The following ADARB2 variants were observed in gnomAD, a reference collection of about 807,000 sequenced individuals.
The protein encoded by ADARB2 is adenosine deaminase RNA specific B2 (inactive).
A neutral mutation model predicts 62.2 loss-of-function variants in ADARB2; 25 were observed. The observed-to-expected ratio is 0.40, with a 90% confidence interval of 0.29 to 0.56. The LOEUF is 0.56. ADARB2 is among the 20% of genes least tolerant of loss of function. ADARB2 has a pLI of 0.43. For synonymous variants in ADARB2, 572 were observed against 500.8 expected, an observed-to-expected ratio of 1.14 and a Z score of -1.90; for missense variants, 1,071 against 1,077.4, an observed-to-expected ratio of 0.99 and a Z score of 0.08.
chr10:1,263,187 T>C (rs1438185607), intron 4 of ADARB2, among the ~76,000 whole-genome samples: 2 of 150,952 alleles, frequency 1.3e-5, no homozygotes, highest in South Asian at 2.1e-4. Flanking sequence ...TGCTAAATGA[T>C]GAGTTACTGG....
intron 1 of ADARB2, among the ~76,000 whole-genome samples, chr10:1,388,379 A>C (rs1054093106): frequency 5.3e-5 from 8 of 152,166 alleles, no homozygotes; most frequent in Non-Finnish European, 8.8e-5. Flanking sequence ...GGTCTTAGTT[A>C]GTGTCATAAG....
chr10:1,562,677 G>T lies in ADARB2; in HGVS notation c.100+174374C>A, dbSNP rs80338560. Among the ~76,000 whole-genome samples, 194 of 152,362 alleles carry T rather than the reference G, an allele frequency of 1.3e-3. 5 individuals carry two copies. In the East Asian group the frequency reaches 0.034, roughly 26 times the overall value. Reference sequence around the variant, plus strand: ...AATACTTCCTGGAGGCTGGCCCTCGGCATTGGGCTAGACCTGAATTCAAAT... The same window carrying T: ...AATACTTCCTGGAGGCTGGCCCTCGTCATTGGGCTAGACCTGAATTCAAAT... On this transcript the variant is annotated intron_variant, in intron 1 of 9. Coordinates refer to ENST00000381312, the MANE Select transcript of ADARB2 (RefSeq NM_018702.4).
chr10:1,288,651 C>T (rs1831435940), intron 3 of ADARB2, among the ~76,000 whole-genome samples: 1 of 152,194 alleles, frequency 6.6e-6, no homozygotes, highest in Non-Finnish European at 1.5e-5. Flanking sequence ...GATGAGCCTG[C>T]AGGTAGGAGG....
intron 4 of ADARB2, among the ~76,000 whole-genome samples, chr10:1,261,859 A>G (rs1204017160): frequency 1.3e-5 from 2 of 149,864 alleles, no homozygotes; most frequent in East Asian, 3.9e-4. Flanking sequence ...TTATTGTGGC[A>G]TTATTCACAA....
Position 1,737,318 on chromosome 10 carries a change from G to C in ADARB2, c.-168C>G. On this transcript the variant is annotated 5_prime_UTR_variant, in exon 1 of 10. Transcript: ENST00000381312. ...AGCGCGCTCCGTCTCTCTGTCTCTC[G>C]AATTGTTCTCTATGACTTGCTCCCA... 1.5e-6 allele frequency: 1 copy of C among 649,998 alleles called. No individual in the cohort carries two copies. The highest frequency in any genetic ancestry group is 2.6e-6 in the Non-Finnish European group (1 of 379,998). The allele number at this position is 649,998 out of a possible 1,614,324, so 40.3% of individuals were successfully genotyped here. A position where few individuals can be genotyped will look rare whatever the true frequency, so the allele number is the denominator to read the frequency against.
At chr10:1,212,991 G>A (rs1837177356) in intron 7 of ADARB2, among the ~76,000 whole-genome samples, 2 of 152,224 alleles carry the variant, frequency 1.3e-5, no homozygotes, top group African/African-American at 2.4e-5. Context: ...AGAGAACAGC[G>A]TGGCAGCACT....
intron 1 of ADARB2, among the ~76,000 whole-genome samples, chr10:1,591,884 A>G (rs1015074145): frequency 6.6e-6 from 1 of 152,240 alleles, no homozygotes; most frequent in African/African-American, 2.4e-5. Context: ...TTATAATGAA[A>G]GAAAATCTTC....
chr10:1,197,122 A>G (rs1836921864), intron 8 of ADARB2, among the ~76,000 whole-genome samples: 1 of 152,224 alleles, frequency 6.6e-6, no homozygotes. Context: ...AATATTGCAA[A>G]TCACTTACCA....
In ADARB2 at chr10:1,202,549, C is replaced by A. The variant is rs184232952; in HGVS notation, c.1683-2402G>T. ...CTTGACTCTGAGACCAGAGGACAGACCAAAGGCTGGGAGGAAATTCAGCAG... is the reference window on the plus strand; with the variant it reads ...CTTGACTCTGAGACCAGAGGACAGAACAAAGGCTGGGAGGAAATTCAGCAG... On this transcript the variant is annotated intron_variant, in intron 7 of 9. Transcript: ENST00000381312. Among the ~76,000 whole-genome samples the A allele has an allele frequency of 1.1e-3, 165 of 152,236 alleles. 1 individual carries two copies. Among genetic ancestry groups the A allele is most frequent in the Admixed American group, 2.2e-3 (33 of 15,286 alleles).
intron 8 of ADARB2, chr10:1,199,625 G>A (rs1836957573): frequency 7.8e-6 from 1 of 128,428 alleles, no homozygotes; most frequent in Non-Finnish European, 1.5e-5. Context: ...GGGCGGCCAG[G>A]TGGGCAGGTG....
intron 3 of ADARB2, among the ~76,000 whole-genome samples, chr10:1,331,854 C>T (rs1831931061): frequency 6.6e-6 from 1 of 152,182 alleles, no homozygotes; most frequent in Non-Finnish European, 1.5e-5. Context: ...CTTTAACACA[C>T]TACACTAGTG....
intron 1 of ADARB2, among the ~76,000 whole-genome samples, chr10:1,496,009 C>A (rs1831684900): frequency 6.6e-6 from 1 of 151,836 alleles, no homozygotes; most frequent in Non-Finnish European, 1.5e-5. Flanking sequence ...TCATAGTCAT[C>A]ATCATCACCA....
chr10:1,472,773 G>C (rs1335859508), intron 1 of ADARB2, among the ~76,000 whole-genome samples: 2 of 151,912 alleles, frequency 1.3e-5, no homozygotes, highest in South Asian at 4.2e-4. Context: ...GGGATCTGCA[G>C]GGTGGGGGCA....
Position 1,672,588 on chromosome 10 carries a change from C to T in ADARB2, c.100+64463G>A, listed in dbSNP as rs1467069997. On this transcript the variant is annotated intron_variant, in intron 1 of 9. Coordinates refer to ENST00000381312, the MANE Select transcript of ADARB2 (RefSeq NM_018702.4). ...CCCCCCATGCACGCGCTTCGCCTTCCTCCCTCCAAGCCCCGCGCCTGCCTC... is the reference window on the plus strand; with the variant it reads ...CCCCCCATGCACGCGCTTCGCCTTCTTCCCTCCAAGCCCCGCGCCTGCCTC... Among the ~76,000 whole-genome samples the T allele has an allele frequency of 3.3e-5, 5 of 152,248 alleles. No homozygotes were observed. The East Asian group carries it at 9.7e-4, about 29-fold the overall frequency.
At chr10:1,639,616 G>A (rs566582485) in intron 1 of ADARB2, among the ~76,000 whole-genome samples, 1 of 152,320 alleles carries the variant, frequency 6.6e-6, no homozygotes, top group African/African-American at 2.4e-5. Flanking sequence ...AGGCCAAGGC[G>A]AGAAGATCAT....
Position 1,363,351 on chromosome 10 carries a change from C to T in ADARB2, c.754G>A (p.Gly252Arg), listed in dbSNP as rs960748032. 11 of 1,276,208 alleles carry T rather than the reference C, an allele frequency of 8.6e-6. No homozygotes were observed. The highest frequency in any genetic ancestry group is 3.3e-5 in the East Asian group (1 of 30,760). The allele number at this position is 1,276,208 out of a possible 1,614,324, so 79.1% of individuals were successfully genotyped here. A position where few individuals can be genotyped will look rare whatever the true frequency, so the allele number is the denominator to read the frequency against. ...GDAALLSAAYGRRRLLCRALD... is the reference protein window; with the variant it reads ...GDAALLSAAYRRRRLLCRALD... Reference sequence around the variant, plus strand: ...GCGCGGCACAGCAGCCGCCGTCGCCCGTAGGCCGCGGACAGAAGCGCGGCG... The same window carrying T: ...GCGCGGCACAGCAGCCGCCGTCGCCTGTAGGCCGCGGACAGAAGCGCGGCG... Residue 252 changes from glycine (G) to arginine (R), a missense_variant, in exon 3 of 10, where the codon GGG becomes AGG. Coordinates refer to ENST00000381312, the MANE Select transcript of ADARB2 (RefSeq NM_018702.4).
chr10:1,218,561 GTGC>G (rs1264399507), intron 6 of ADARB2, among the ~76,000 whole-genome samples: 1 of 152,202 alleles, frequency 6.6e-6, no homozygotes, highest in African/African-American at 2.4e-5. Context: ...CCCACTGACA[GTGC>G]TTGATATGGC....
chr10:1,564,184 T>C (rs1161442237), intron 1 of ADARB2, among the ~76,000 whole-genome samples: 4 of 152,222 alleles, frequency 2.6e-5, no homozygotes, highest in African/African-American at 9.6e-5. Context: ...TTTCTAGTTC[T>C]AGATCCCTGA....
At chr10:1,612,334 C>A (rs1039404941) in intron 1 of ADARB2, among the ~76,000 whole-genome samples, 8 of 152,192 alleles carry the variant, frequency 5.3e-5, no homozygotes, top group African/African-American at 1.9e-4. Flanking sequence ...CGGCCATGGC[C>A]GCCCTCCCCA....
Sources: gnomAD v4.1 joint callset for allele counts (sites outside exome capture counted in the v4.1 genomes callset) on GRCh38, gnomAD v4.1.1 for gene constraint, MANE v1.5 for transcripts, NCBI Gene and HGNC (gene_info 2026-07-23, HGNC 2026-07-21) for gene names.